The following AGPS variants were observed in gnomAD, a reference collection of about 807,000 sequenced individuals.
AGPS encodes the protein alkylglycerone phosphate synthase.
AGPS carries 26 observed loss-of-function variants against 90.7 expected under a neutral mutation model. The ratio of observed to expected loss-of-function variants is 0.29; its 90% CI spans 0.21 to 0.40. The LOEUF is 0.40. AGPS is among the 10% of genes least tolerant of loss of function. The pLI is 1.00. For synonymous variants in AGPS, 294 were observed against 285.3 expected, an observed-to-expected ratio of 1.03 and a Z score of -0.31; for missense variants, 540 against 816.1, an observed-to-expected ratio of 0.66 and a Z score of 4.12.
At chr2:177,534,862 A>T (rs561189657) in intron 19 of AGPS, among the ~76,000 whole-genome samples, 1 of 151,400 alleles carries the variant, frequency 6.6e-6, no homozygotes, top group Admixed American at 6.6e-5. Flanking sequence ...GCCTCCCAAA[A>T]TGTTGGGATT....
In AGPS at chr2:177,540,833, A is replaced by G. The variant is rs983838260; in HGVS notation, c.*2638A>G. 1 of 152,122 alleles carries G rather than the reference A, an allele frequency of 6.6e-6. No individual in the cohort carries two copies. The highest frequency in any genetic ancestry group is 1.5e-5 in the Non-Finnish European group (1 of 67,978). The allele number at this position is 152,122 out of a possible 1,614,324, so 9.4% of individuals were successfully genotyped here. The stretch of plus-strand genomic sequence containing the variant: ...TAACTTGCCGCTAGTGAGAAATGGC[A>G]TTGAATACTAAAGACTCAATATGAA... On this transcript the variant is annotated 3_prime_UTR_variant, in exon 20 of 20. Coordinates refer to ENST00000264167, the MANE Select transcript of AGPS (RefSeq NM_003659.4).
At chr2:177,411,751 C>G (rs2105598989) in intron 1 of AGPS, among the ~76,000 whole-genome samples, 1 of 152,300 alleles carries the variant, frequency 6.6e-6, no homozygotes, top group Middle Eastern at 3.4e-3. Flanking sequence ...CTCTCTCTCT[C>G]TGTCTGTCTT....
chr2:177,397,458 G>C (rs936562768), intron 1 of AGPS, among the ~76,000 whole-genome samples: 2 of 149,680 alleles, frequency 1.3e-5, no homozygotes, highest in African/African-American at 2.5e-5. Flanking sequence ...CTTGGTTTTG[G>C]ATTTTTTTCA....
chr2:177,532,231 A>G (rs895569050), intron 19 of AGPS, among the ~76,000 whole-genome samples: 6 of 152,304 alleles, frequency 3.9e-5, no homozygotes, highest in Middle Eastern at 3.4e-3. Flanking sequence ...AAGAAAAGAC[A>G]TATCTATTAT....
intron 1 of AGPS, among the ~76,000 whole-genome samples, chr2:177,405,990 GT>G (rs528267920): frequency 3.2e-3 from 480 of 152,212 alleles, no homozygotes; most frequent in African/African-American, 0.01. Flanking sequence ...GTCCTCCACT[GT>G]TTCTCTTCAC....
intron 1 of AGPS, among the ~76,000 whole-genome samples, chr2:177,418,984 G>C (rs1685868254): frequency 6.6e-6 from 1 of 151,894 alleles, no homozygotes; most frequent in Non-Finnish European, 1.5e-5. Flanking sequence ...TCCAGTCTCT[G>C]GATTGATACT....
At position 177,486,411 on chromosome 2, in the gene AGPS, G is replaced by A. The variant is rs567018323; in HGVS notation, c.1233+4225G>A. ...GGTACAGTATTTGCTGCCTTCCTTT[G>A]TAATAGTGTTTTCAGGCAGAAAAAT... On this transcript the variant is annotated intron_variant, in intron 11 of 19. Transcript: ENST00000264167. Among the ~76,000 whole-genome samples, 4 of 152,186 alleles carry A rather than the reference G, an allele frequency of 2.6e-5. No individual in the cohort carries two copies. In the South Asian group the frequency reaches 8.3e-4, roughly 32 times the overall value.
intron 2 of AGPS, among the ~76,000 whole-genome samples, chr2:177,425,536 G>A (rs1324912270): frequency 5.4e-5 from 8 of 148,170 alleles, no homozygotes; most frequent in East Asian, 4.0e-4. Context: ...CAGGAGACTC[G>A]CTTGAACCCG....
chr2:177,451,606 G>A (rs898614110), intron 8 of AGPS, among the ~76,000 whole-genome samples: 1 of 152,210 alleles, frequency 6.6e-6, no homozygotes, highest in Admixed American at 6.5e-5. Flanking sequence ...TAGGAGAGAT[G>A]TGTTCAGTCC....
chr2:177,397,293 A>G (rs1293142820), intron 1 of AGPS, among the ~76,000 whole-genome samples: 1 of 152,182 alleles, frequency 6.6e-6, no homozygotes, highest in Non-Finnish European at 1.5e-5. Flanking sequence ...GTTGCTGAGC[A>G]GAGTATTGAA....
At chr2:177,529,010 CA>C (rs1449024845) in intron 19 of AGPS, among the ~76,000 whole-genome samples, 1 of 151,944 alleles carries the variant, frequency 6.6e-6, no homozygotes, top group African/African-American at 2.4e-5. Context: ...CTCCCGCCAC[CA>C]CACCCAGCTA....
rs1016156188 is a variant in AGPS, at chr2:177,523,650, C to G, written c.1798-98C>G. On this transcript the variant is annotated intron_variant, in intron 18 of 19. Transcript: ENST00000264167. ...TTAGGCTTCTAGTTTATTATTTAACCCAGGAAACATGTGCCTTCTTTGGGA... is the reference window on the plus strand; with the variant it reads ...TTAGGCTTCTAGTTTATTATTTAACGCAGGAAACATGTGCCTTCTTTGGGA... 8 of 1,008,546 alleles carry G rather than the reference C, an allele frequency of 7.9e-6. No individual in the cohort carries two copies. In the Admixed American group the frequency reaches 1.0e-4, roughly 13 times the overall value. The allele number at this position is 1,008,546 out of a possible 1,614,324, so 62.5% of individuals were successfully genotyped here.
intron 1 of AGPS, among the ~76,000 whole-genome samples, chr2:177,412,729 T>C (rs1169036800): frequency 6.6e-6 from 1 of 152,198 alleles, no homozygotes; most frequent in African/African-American, 2.4e-5. Flanking sequence ...TCTTGTTCTC[T>C]GACCTGGGGT....
At chr2:177,464,372 A>G (rs1320919669) in intron 9 of AGPS, among the ~76,000 whole-genome samples, 1 of 152,232 alleles carries the variant, frequency 6.6e-6, no homozygotes, top group Non-Finnish European at 1.5e-5. Context: ...ATGTGGCTAC[A>G]ATGGAACCTG....
At chr2:177,439,076 G>A (rs1034444923) in intron 5 of AGPS, among the ~76,000 whole-genome samples, 3 of 152,056 alleles carry the variant, frequency 2.0e-5, no homozygotes, top group Admixed American at 6.6e-5. Flanking sequence ...TTGCTTAATA[G>A]GATGCTTAGG....
At chr2:177,503,294 A>ACCTGTCAG (rs2105715856) in intron 14 of AGPS, among the ~76,000 whole-genome samples, 1 of 152,324 alleles carries the variant, frequency 6.6e-6, no homozygotes, top group African/African-American at 2.4e-5. Flanking sequence ...AATAAACATT[A>ACCTGTCAG]CCTGTCAGCA....
intron 3 of AGPS, among the ~76,000 whole-genome samples, chr2:177,436,043 A>G (rs1224639341): frequency 1.3e-5 from 2 of 151,406 alleles, no homozygotes; most frequent in Admixed American, 1.3e-4. Context: ...TTATGTTGTG[A>G]GTTTTAAAGC....
rs560217758 is a variant in AGPS, at chr2:177,393,003, A to G, written c.214A>G (p.Thr72Ala). Residue 72 changes from threonine to alanine, a missense_variant, in exon 1 of 20, where the codon ACG (threonine) becomes GCG (alanine). Thr to Ala is a moderately conservative substitution (Grantham distance 58). Coordinates refer to ENST00000264167, the MANE Select transcript of AGPS (RefSeq NM_003659.4). The part of the protein sequence containing the change: ...RAASAATAAP[T>A]ATPAAQESGT... ...CGCGTCGGCGGCCACGGCAGCGCCC[A>G]CGGCCACTCCCGCCGCGCAGGAGTC... The G allele has an allele frequency of 2.6e-4, 397 of 1,550,226 alleles. No individual in the cohort carries two copies. In the Middle Eastern group the frequency reaches 0.011, roughly 43 times the overall value.
At chr2:177,453,302 A>G (rs1687007561) in intron 8 of AGPS, among the ~76,000 whole-genome samples, 1 of 142,934 alleles carries the variant, frequency 7.0e-6, no homozygotes. Context: ...AGAGAGTTTC[A>G]CTCTTGTTAC....
Sources: gnomAD v4.1 joint callset for allele counts (sites outside exome capture counted in the v4.1 genomes callset) on GRCh38, gnomAD v4.1.1 for gene constraint, MANE v1.5 for transcripts, NCBI Gene and HGNC (gene_info 2026-07-23, HGNC 2026-07-21) for gene names.